The following RPTOR variants were observed in gnomAD, a reference collection of about 807,000 sequenced individuals.
RPTOR encodes regulatory-associated protein of mTOR.
RPTOR carries 21 observed loss-of-function variants against 169.9 expected under a neutral mutation model. That is an observed-to-expected ratio of 0.12 (90% CI 0.09 to 0.18). RPTOR has a LOEUF of 0.18. Among genes scored for constraint, RPTOR ranks in the 10% least tolerant of loss-of-function variants. The pLI is 1.00. For missense variants in RPTOR, 1,133 were observed against 1,855.9 expected (o/e 0.61, Z 7.16); for synonymous variants, 732 against 753.2 (o/e 0.97, Z 0.46).
intron 5 of RPTOR, among the ~76,000 whole-genome samples, chr17:80,740,287 A>T (rs2066470641): frequency 6.6e-6 from 1 of 152,236 alleles, no homozygotes; most frequent in Non-Finnish European, 1.5e-5. Flanking sequence ...AATTGTCTGA[A>T]ACATAAATCT....
chr17:80,809,854 C>T (rs536070193), intron 7 of RPTOR, among the ~76,000 whole-genome samples: 12 of 152,120 alleles, frequency 7.9e-5, no homozygotes, highest in South Asian at 4.2e-4. Context: ...CTAGCTAACA[C>T]GGTGAAAGCC....
At chr17:80,876,117 G>T (rs1294302136) in intron 13 of RPTOR, among the ~76,000 whole-genome samples, 195 of 100,226 alleles carry the variant, frequency 1.9e-3, no homozygotes, top group East Asian at 3.8e-3. Flanking sequence ...CACCGAGCCC[G>T]TGCTGCCCAG....
chr17:80,579,078 G>T (rs1256933829), intron 1 of RPTOR, among the ~76,000 whole-genome samples: 1 of 152,176 alleles, frequency 6.6e-6, no homozygotes, highest in Non-Finnish European at 1.5e-5. Context: ...CTCTGCACAG[G>T]TACTCGGGGT....
intron 4 of RPTOR, among the ~76,000 whole-genome samples, chr17:80,719,725 G>T (rs1013119396): frequency 6.6e-6 from 1 of 152,100 alleles, no homozygotes; most frequent in East Asian, 1.9e-4. Flanking sequence ...GGTCAGGAGT[G>T]GGGGGAAGCG....
intron 5 of RPTOR, among the ~76,000 whole-genome samples, chr17:80,734,820 T>C (rs112639602): frequency 7.9e-4 from 121 of 152,248 alleles, no homozygotes; most frequent in African/African-American, 2.4e-3. Context: ...GGAAAAAAAA[T>C]TGCATTGTAC....
At chr17:80,666,103 T>A (rs1031636030) in intron 3 of RPTOR, among the ~76,000 whole-genome samples, 4 of 152,190 alleles carry the variant, frequency 2.6e-5, no homozygotes, top group Admixed American at 2.0e-4. Flanking sequence ...TTTCGATGCC[T>A]TTCAATATGA....
At chr17:80,855,055 A>G (rs1333013634) in intron 11 of RPTOR, among the ~76,000 whole-genome samples, 1 of 152,242 alleles carries the variant, frequency 6.6e-6, no homozygotes, top group Non-Finnish European at 1.5e-5. Flanking sequence ...TGATATGAAC[A>G]ATGTTCACAG....
intron 1 of RPTOR, among the ~76,000 whole-genome samples, chr17:80,560,773 A>G (rs1165337334): frequency 6.6e-6 from 1 of 152,132 alleles, no homozygotes; most frequent in Non-Finnish European, 1.5e-5. Context: ...GCACTTGGCT[A>G]CGTGTTCGTT....
intron 6 of RPTOR, among the ~76,000 whole-genome samples, chr17:80,757,425 A>G (rs766674959): frequency 1.4e-4 from 22 of 152,120 alleles, no homozygotes; most frequent in Non-Finnish European, 2.9e-4. Flanking sequence ...TTCTGAACGC[A>G]GATCTCTTTT....
At chr17:80,568,116 C>T (rs1460289810) in intron 1 of RPTOR, among the ~76,000 whole-genome samples, 1 of 152,004 alleles carries the variant, frequency 6.6e-6, no homozygotes, top group Non-Finnish European at 1.5e-5. Flanking sequence ...GCCATGTTGA[C>T]CAGGCTGGTC....
In RPTOR at chr17:80,892,795, A is replaced by G; in HGVS notation, c.2168A>G (p.Tyr723Cys). 4 of 1,614,200 alleles carry G rather than the reference A, an allele frequency of 2.5e-6. No individual in the cohort carries two copies. The highest frequency in any genetic ancestry group is 1.1e-5 in the South Asian group (1 of 91,078). The change falls in exon 19 of 34, where the codon TAT (tyrosine) becomes TGT (cysteine). Residue 723 changes from tyrosine to cysteine, a missense_variant. Coordinates refer to ENST00000306801, the MANE Select transcript of RPTOR (RefSeq NM_020761.3). ...CTPRLRSVSS[Y>C]GNIRAVATAR... ...CCCAGACTTCGTTCTGTGAGCTCCTATGGAAACATCCGTGCTGTCGCCACA... is the reference window on the plus strand; with the variant it reads ...CCCAGACTTCGTTCTGTGAGCTCCTGTGGAAACATCCGTGCTGTCGCCACA...
At chr17:80,892,617 G>A in intron 18 of RPTOR, 112 bp from the exon 19 acceptor site, 1 of 1,221,550 alleles carries the variant, frequency 8.2e-7, no homozygotes, top group Admixed American at 2.0e-5. Flanking sequence ...GACATTTGTT[G>A]CAGCACAGGT....
intron 1 of RPTOR, among the ~76,000 whole-genome samples, chr17:80,556,952 C>T (rs937481309): frequency 2.0e-5 from 3 of 152,142 alleles, no homozygotes; most frequent in African/African-American, 7.2e-5. Flanking sequence ...AAAAATGAGC[C>T]GGGCATGGTG....
chr17:80,799,699 G>A (rs1401105012), intron 7 of RPTOR, among the ~76,000 whole-genome samples: 1 of 151,686 alleles, frequency 6.6e-6, no homozygotes, highest in Non-Finnish European at 1.5e-5. Flanking sequence ...TCTGCCTCAC[G>A]CTCTGCACAC....
At chr17:80,559,627 A>C (rs2084454509) in intron 1 of RPTOR, among the ~76,000 whole-genome samples, 2 of 151,704 alleles carry the variant, frequency 1.3e-5, no homozygotes, top group South Asian at 2.1e-4. Context: ...TGTCTTGTTT[A>C]CCTCTGTTTC....
chr17:80,742,356 A>G (rs529860707), intron 5 of RPTOR, among the ~76,000 whole-genome samples: 41 of 152,200 alleles, frequency 2.7e-4, no homozygotes, highest in African/African-American at 9.9e-4. Flanking sequence ...GACGGTGGTC[A>G]TTCCAGAAGG....
At position 80,878,699 on chromosome 17, in the gene RPTOR, C is replaced by G. The variant is rs908353990; in HGVS notation, c.1510-1716C>G. On this transcript the variant is annotated intron_variant, in intron 13 of 33. Transcript: ENST00000306801. The surrounding 1 kb of genome is among the most constrained non-coding windows in gnomAD (Gnocchi z 4.1). ...GTCCCTGACTAGTAAGAGGGAGAAC[C>G]TGGACTTGAAACTTAGTTTTGTTTC... Among the ~76,000 whole-genome samples, 2 of 152,174 alleles carry G rather than the reference C, an allele frequency of 1.3e-5. No individual in the cohort carries two copies. Among genetic ancestry groups the G allele is most frequent in the African/African-American group, 4.8e-5 (2 of 41,438 alleles).
At chr17:80,634,602 A>ACT (rs1567831205) in intron 2 of RPTOR, among the ~76,000 whole-genome samples, 2 of 2,686 alleles carry the variant, frequency 7.4e-4, no homozygotes, top group African/African-American at 2.9e-3. Flanking sequence ...GTGTGTGCGT[A>ACT]CTGTGTGTGT....
intron 1 of RPTOR, among the ~76,000 whole-genome samples, chr17:80,552,175 CAA>C (rs1232594228): frequency 6.6e-6 from 1 of 152,200 alleles, no homozygotes; most frequent in East Asian, 1.9e-4. Flanking sequence ...CTTTTCCCCA[CAA>C]AAGTGTGAAT....
Sources: allele counts gnomAD v4.1 joint callset (sites outside exome capture counted in the v4.1 genomes callset), GRCh38; gene constraint gnomAD v4.1.1; non-coding constraint Gnocchi (gnomAD v3.1); transcripts MANE v1.5; gene names NCBI Gene and HGNC (gene_info 2026-07-23, HGNC 2026-07-21).